POLE2: variants seen among roughly 807,000 people sequenced by gnomAD.
POLE2 encodes the protein DNA polymerase epsilon 2, accessory subunit, also known as DNA polymerase epsilon subunit 2.
Under a neutral mutation model 79.4 loss-of-function variants are expected in POLE2, and 56 were observed. The ratio of observed to expected loss-of-function variants is 0.71; its 90% CI spans 0.57 to 0.88. The LOEUF (loss-of-function observed/expected upper bound fraction) is 0.88, where lower values mean the gene tolerates loss of function less well. POLE2 is among the 40% of genes least tolerant of loss of function. The pLI is 0.00. For synonymous variants in POLE2, 212 were observed against 214.0 expected, an observed-to-expected ratio of 0.99 and a Z score of 0.08; for missense variants, 598 against 638.9, an observed-to-expected ratio of 0.94 and a Z score of 0.69.
Position 49,665,125 on chromosome 14 carries a change from T to G in POLE2, c.615A>C (p.Gln205His). The G allele has an allele frequency of 7.1e-7, 1 of 1,418,432 alleles. No homozygotes were observed. The highest frequency in any genetic ancestry group is 9.9e-7 in the Non-Finnish European group (1 of 1,005,748). 87.9% of individuals were successfully genotyped at this position (1,418,432 alleles called of 1,614,324 possible). A position where few individuals can be genotyped will look rare whatever the true frequency, so the allele number is the denominator to read the frequency against. ...AGGATATAGCTTTACTAAGGTCTAGTTGGACTGTTCCAGTAGGATCTTCCA... is the reference window on the plus strand; with the variant it reads ...AGGATATAGCTTTACTAAGGTCTAGGTGGACTGTTCCAGTAGGATCTTCCA... ...FFLEDPTGTV[Q>H]LDLSKAQFHS... Residue 205 changes from glutamine to histidine, a missense_variant, in exon 8 of 19, where the codon CAA becomes CAC. Transcript: ENST00000216367.
At chr14:49,666,173 C>G (rs896101970) in intron 7 of POLE2, among the ~76,000 whole-genome samples, 157 bp downstream of exon 7, 1 of 152,168 alleles carries the variant, frequency 6.6e-6, no homozygotes. Flanking sequence ...CATGATGATA[C>G]TATTTCCTCG....
At chr14:49,677,744 CA>C in intron 3 of POLE2, 2 of 1,358,948 alleles carry the variant, frequency 1.5e-6, no homozygotes, top group Admixed American at 2.4e-5. Context: ...CAGCATCCCA[CA>C]AAGCCCCACG....
intron 13 of POLE2, chr14:49,654,550 G>A (rs1210209146): frequency 2.1e-6 from 1 of 468,200 alleles, no homozygotes; most frequent in Admixed American, 4.2e-5. Context: ...ACTCTTAAGA[G>A]TAATGCCACG....
chr14:49,675,714 C>G (rs1886228199), intron 3 of POLE2, among the ~76,000 whole-genome samples: 1 of 152,168 alleles, frequency 6.6e-6, no homozygotes, highest in Admixed American at 6.6e-5. Context: ...GCATGAGCCA[C>G]CATGCCCAAC....
chr14:49,685,603 C>G (rs1413190518), intron 1 of POLE2, among the ~76,000 whole-genome samples: 1 of 151,856 alleles, frequency 6.6e-6, no homozygotes, highest in Non-Finnish European at 1.5e-5. Flanking sequence ...CTAGTCAGGT[C>G]CTGTTCTTTC....
intron 10 of POLE2, among the ~76,000 whole-genome samples, chr14:49,662,241 C>T (rs1885148647): frequency 6.6e-6 from 1 of 152,212 alleles, no homozygotes; most frequent in Non-Finnish European, 1.5e-5. Context: ...CCAGTAAACT[C>T]CCAGCCAGGA....
At chr14:49,657,973 G>A (rs1326547035) in intron 10 of POLE2, among the ~76,000 whole-genome samples, 1 of 152,178 alleles carries the variant, frequency 6.6e-6, no homozygotes, top group Non-Finnish European at 1.5e-5. Context: ...ACAGGTGCCA[G>A]AGGTGAGATT....
rs753380049 is a variant in POLE2 at position 49,643,709 on chromosome 14, A to T, written c.1566-39T>A. ...AAAAAATTAAATATTTGGAAACCTA[A>T]GTTGTATACTTACTAATAGTTGTAG... On this transcript the variant is annotated intron_variant, in intron 18 of 18. Transcript: ENST00000216367. The T allele has an allele frequency of 3.8e-6, 4 of 1,050,656 alleles. No homozygotes were observed. In the South Asian group the frequency reaches 5.6e-5, roughly 15 times the overall value. The allele number at this position is 1,050,656 out of a possible 1,614,324, so 65.1% of individuals were successfully genotyped here.
chr14:49,667,553 T>C (rs1885575013), intron 6 of POLE2, among the ~76,000 whole-genome samples: 2 of 92,144 alleles, frequency 2.2e-5, no homozygotes, highest in African/African-American at 9.2e-5. Flanking sequence ...AGATAGAAAC[T>C]TTTTTTTTTT....
At chr14:49,668,599 C>T (rs556041800) in intron 6 of POLE2, among the ~76,000 whole-genome samples, 1 of 152,000 alleles carries the variant, frequency 6.6e-6, no homozygotes, top group East Asian at 1.9e-4. Flanking sequence ...ATCACAGATA[C>T]AGAATTAAGA....
At chr14:49,680,404 T>C (rs1228408772) in intron 2 of POLE2, among the ~76,000 whole-genome samples, 1 of 152,038 alleles carries the variant, frequency 6.6e-6, no homozygotes, top group Non-Finnish European at 1.5e-5. Flanking sequence ...GTTACATTAG[T>C]ATAACTTTAT....
At chr14:49,659,654 C>G (rs142160813) in intron 10 of POLE2, among the ~76,000 whole-genome samples, 1 of 152,154 alleles carries the variant, frequency 6.6e-6, no homozygotes, top group Non-Finnish European at 1.5e-5. Context: ...AATGATAATT[C>G]ACAGCAGCCT....
In POLE2 at chr14:49,674,128, G is replaced by A. The variant is rs1453167432; in HGVS notation, c.412C>T (p.His138Tyr). Residue 138 changes from histidine (H) to tyrosine (Y), a missense_variant, in exon 5 of 19, where the codon CAC becomes TAC. His to Tyr is a moderately conservative substitution (Grantham distance 83). Coordinates refer to ENST00000216367, the MANE Select transcript of POLE2 (RefSeq NM_002692.4). ...EMFRERYTIL[H>Y]QRTHRHELFT... ...CCGCCCCCTACCAAACTTACCTGGT[G>A]CAAAATGGTATATCGCTCACGAAAC... The A allele has an allele frequency of 6.2e-7, 1 of 1,600,928 alleles. No homozygotes were observed. The highest frequency in any genetic ancestry group is 8.6e-7 in the Non-Finnish European group (1 of 1,168,076).
chr14:49,663,187 C>G (rs1885208226), intron 10 of POLE2, 128 bp downstream of exon 10: 1 of 433,806 alleles, frequency 2.3e-6, no homozygotes, highest in Non-Finnish European at 4.2e-6. Context: ...TTCTCATTTT[C>G]CATTGCTTTT....
intron 1 of POLE2, among the ~76,000 whole-genome samples, chr14:49,686,340 T>C (rs1428498470): frequency 1.3e-5 from 2 of 152,190 alleles, no homozygotes; most frequent in Non-Finnish European, 2.9e-5. Flanking sequence ...GAAGACTCTC[T>C]CTCTTGATGA....
At chr14:49,680,470 A>C (rs976191392) in intron 2 of POLE2, among the ~76,000 whole-genome samples, 1 of 152,242 alleles carries the variant, frequency 6.6e-6, no homozygotes, top group Non-Finnish European at 1.5e-5. Flanking sequence ...GCTACCACTT[A>C]TTAAGCATTG....
intron 2 of POLE2, among the ~76,000 whole-genome samples, chr14:49,680,755 T>A (rs1259765848): frequency 1.3e-5 from 2 of 152,152 alleles, no homozygotes; most frequent in Non-Finnish European, 2.9e-5. Flanking sequence ...AAGTATCATT[T>A]TCTTTTTTTT....
At position 49,650,286 on chromosome 14, in the gene POLE2, G is replaced by A. The variant is rs764403249; in HGVS notation, c.1476C>T (p.Thr492=). The change falls in exon 17 of 19, where the codon ACC becomes ACT. Residue 492 remains threonine (T), a synonymous_variant. Transcript: ENST00000216367. Reference sequence around the variant, plus strand: ...TTACAGGGTTTATGCAGAGGCATTCGGTATTTGTCGTAGTGAAAGGATCAT... The same window carrying A: ...TTACAGGGTTTATGCAGAGGCATTCAGTATTTGTCGTAGTGAAAGGATCAT... ...DKYDPFTTTN[T]ECLCINPGSF... is the part of the protein sequence containing the mutation. The A allele has an allele frequency of 5.0e-6, 8 of 1,599,770 alleles. No homozygotes were observed. The highest frequency in any genetic ancestry group is 1.7e-4 in the Middle Eastern group (1 of 6,046).
intron 6 of POLE2, among the ~76,000 whole-genome samples, chr14:49,667,284 TAC>T (rs1488808431): frequency 6.6e-6 from 1 of 152,128 alleles, no homozygotes; most frequent in Non-Finnish European, 1.5e-5. Context: ...CACACACCTA[TAC>T]AGTTTATTTA....
Sources: allele counts gnomAD v4.1 joint callset (sites outside exome capture counted in the v4.1 genomes callset), GRCh38; gene constraint gnomAD v4.1.1; transcripts MANE v1.5; gene names NCBI Gene and HGNC (gene_info 2026-07-23, HGNC 2026-07-21).